AFTPH: variants seen among roughly 807,000 people sequenced by gnomAD.
AFTPH encodes aftiphilin.
A neutral mutation model predicts 72.5 loss-of-function variants in AFTPH; 7 were observed. The ratio of observed to expected loss-of-function variants is 0.10; its 90% confidence interval spans 0.05 to 0.18. The LOEUF (loss-of-function observed/expected upper bound fraction) is 0.18. Ranked by LOEUF, AFTPH falls within the 10% of genes least tolerant of loss-of-function variation. The pLI, the probability that AFTPH is intolerant of heterozygous loss-of-function variation, is 1.00. For synonymous variants in AFTPH, 337 were observed against 370.1 expected (o/e 0.91, Z 1.03); for missense variants, 979 against 1,060.5 (o/e 0.92, Z 1.07).
At chr2:64,555,728 A>C (rs1477904123) in intron 2 of AFTPH, among the ~76,000 whole-genome samples, 2 of 152,178 alleles carry the variant, frequency 1.3e-5, no homozygotes, top group Non-Finnish European at 2.9e-5. Flanking sequence ...GTTTGGGAAG[A>C]AAGTTGAAGT....
chr2:64,550,725 AC>A (rs2103932190), intron 1 of AFTPH, among the ~76,000 whole-genome samples: 2 of 144,726 alleles, frequency 1.4e-5, no homozygotes, highest in African/African-American at 2.6e-5. Context: ...ACACACACAC[AC>A]ACACAACTGG....
rs547244399 is a variant in AFTPH, at chr2:64,539,930, CTGTTT to C, written c.-32-11498_-32-11494del. On this transcript the variant is annotated intron_variant, in intron 1 of 8. Coordinates refer to ENST00000238856, the Ensembl canonical transcript of AFTPH. Reference sequence around the variant, plus strand: ...GCTAGGGCGCACAGAAGAGAGGATTCTGTTTTGTTTTGTTTTGTTCTGATTTGTTT... The same window carrying C: ...GCTAGGGCGCACAGAAGAGAGGATTCTGTTTTGTTTTGTTCTGATTTGTTT... Among the ~76,000 whole-genome samples the C allele has an allele frequency of 3.7e-3, 557 of 152,086 alleles. 2 individuals carry two copies. Among genetic ancestry groups the C allele is most frequent in the African/African-American group, 9.7e-3 (401 of 41,478 alleles).
rs1484556772 is a variant in AFTPH, at chr2:64,524,533, A to G, written c.-112A>G. 7.5e-6 allele frequency: 3 copies of G among 399,194 alleles called. No homozygotes were observed. The East Asian group carries it at 1.1e-4, about 14-fold the overall frequency. The allele number at this position is 399,194 out of a possible 1,614,324, so 24.7% of individuals were successfully genotyped here. Reference sequence around the variant, plus strand: ...CCGCTCTCACCAGTTCCGCGTCGGAATAGACGGTCCTTCCCCGGGGAGTCA... The same window carrying G: ...CCGCTCTCACCAGTTCCGCGTCGGAGTAGACGGTCCTTCCCCGGGGAGTCA... On this transcript the variant is annotated 5_prime_UTR_variant, in exon 1 of 9. Transcript: ENST00000238856.
chr2:64,553,536 C>A, intron 2 of AFTPH, 127 bp downstream of exon 2: 1 of 1,020,748 alleles, frequency 9.8e-7, no homozygotes, highest in Non-Finnish European at 1.3e-6. Flanking sequence ...ATGTATAATG[C>A]CTGTCTGATT....
intron 3 of AFTPH, 42 bp from the exon 4 acceptor site, chr2:64,569,050 T>C (rs777224794): frequency 6.8e-6 from 11 of 1,612,230 alleles, no homozygotes; most frequent in Admixed American, 3.3e-5. Context: ...GTGAAAGTTA[T>C]TGAGTAACCT....
intron 1 of AFTPH, among the ~76,000 whole-genome samples, chr2:64,545,870 C>T (rs1046563885): frequency 2.6e-4 from 39 of 151,714 alleles, no homozygotes; most frequent in Middle Eastern, 3.4e-3. Flanking sequence ...CAAACACAAA[C>T]GCAAGTTTTT....
chr2:64,529,639 T>C (rs1332605082), intron 1 of AFTPH, among the ~76,000 whole-genome samples: 1 of 151,454 alleles, frequency 6.6e-6, no homozygotes, highest in African/African-American at 2.4e-5. Context: ...ATCACTTTTT[T>C]TTTTTTTTGA....
chr2:64,552,616 G>A (rs764159776), exon 2 of AFTPH: 3 of 1,614,168 alleles, frequency 1.9e-6, no homozygotes, highest in Admixed American at 3.3e-5. Context: ...GATGAAGTTG[G>A]TTCTCCCAAA....
At chr2:64,546,339 C>T (rs1430168245) in intron 1 of AFTPH, among the ~76,000 whole-genome samples, 1 of 152,100 alleles carries the variant, frequency 6.6e-6, no homozygotes, top group African/African-American at 2.4e-5. Flanking sequence ...AACTAAGGAA[C>T]AGTCTCTAGC....
At chr2:64,541,475 AATTT>A (rs1670249611) in intron 1 of AFTPH, among the ~76,000 whole-genome samples, 1 of 152,212 alleles carries the variant, frequency 6.6e-6, no homozygotes, top group African/African-American at 2.4e-5. Flanking sequence ...TAGATTTTAA[AATTT>A]AGAGCTGTGA....
intron 1 of AFTPH, among the ~76,000 whole-genome samples, chr2:64,550,974 A>G (rs571597935): frequency 6.6e-6 from 1 of 152,366 alleles, no homozygotes; most frequent in South Asian, 2.1e-4. Context: ...CCAAGTGAAG[A>G]AAATATTTGT....
intron 3 of AFTPH, among the ~76,000 whole-genome samples, chr2:64,568,616 A>G (rs908770109): frequency 6.6e-5 from 10 of 152,180 alleles, no homozygotes; most frequent in Admixed American, 2.0e-4. Flanking sequence ...CTGAAATTTC[A>G]CAGTGAAATA....
chr2:64,549,344 C>T (rs539418814), intron 1 of AFTPH, among the ~76,000 whole-genome samples: 136 of 105,452 alleles, frequency 1.3e-3, no homozygotes, highest in Non-Finnish European at 2.2e-3. Context: ...TTTTTGAAAC[C>T]GAGTCTCACT....
chr2:64,552,543 A>T lies in AFTPH; in HGVS notation c.1069A>T (p.Lys357Ter). 1 of 1,614,084 alleles carries T rather than the reference A, an allele frequency of 6.2e-7. No individual in the cohort carries two copies. Among genetic ancestry groups the T allele is most frequent in the Non-Finnish European group, 8.5e-7 (1 of 1,180,002 alleles). The change falls in exon 2 of 9, where the codon AAA (lysine) becomes TAA (stop). Residue 357 changes from lysine to a stop codon, truncating the protein, a stop_gained. Coordinates refer to ENST00000238856, the Ensembl canonical transcript of AFTPH. LOFTEE classifies it high-confidence loss of function. ...GAGAGAACAATGTAAAACTGAAGAA[A>T]AACTTGACTTACTTACTTCTAAATG... is the stretch of plus-strand genomic sequence containing the variant.
exon 8 of AFTPH, chr2:64,585,536 C>T (rs1490721621): frequency 1.2e-6 from 2 of 1,608,540 alleles, no homozygotes; most frequent in Middle Eastern, 1.6e-4. Context: ...AAGACAAGCA[C>T]ATCTACCAGG....
intron 6 of AFTPH, among the ~76,000 whole-genome samples, chr2:64,578,114 C>CTAAA (rs1356079726): frequency 6.6e-6 from 1 of 152,144 alleles, no homozygotes. Context: ...TTTTTGGAGA[C>CTAAA]TAAATACTTA....
At chr2:64,574,094 T>G (rs1672628557) in intron 6 of AFTPH, among the ~76,000 whole-genome samples, 1 of 152,254 alleles carries the variant, frequency 6.6e-6, no homozygotes, top group Admixed American at 6.5e-5. Context: ...TGCTTACTCT[T>G]TCCATATCAA....
At position 64,537,369 on chromosome 2, in the gene AFTPH, C is replaced by T. The variant is rs74609560; in HGVS notation, c.-33+12757C>T. ...TGAAATAATTTGGACACCAAACCCC[C>T]GTGACACTCAATTTACCTATGTAAC... On this transcript the variant is annotated intron_variant, in intron 1 of 8. Transcript: ENST00000238856. 4.6e-3 allele frequency among the ~76,000 whole-genome samples: 705 copies of T among 152,228 alleles called. 6 individuals carry two copies. The highest frequency in any genetic ancestry group is 0.016 in the African/African-American group (679 of 41,512).
chr2:64,589,192 T>A (rs910035586), intron 8 of AFTPH, among the ~76,000 whole-genome samples: 1 of 152,228 alleles, frequency 6.6e-6, no homozygotes, highest in Non-Finnish European at 1.5e-5. Context: ...TACATTTAGG[T>A]CTTTAATCCA....
Sources: allele counts gnomAD v4.1 joint callset (sites outside exome capture counted in the v4.1 genomes callset), GRCh38; gene constraint gnomAD v4.1.1; transcripts MANE v1.5; gene names NCBI Gene and HGNC (gene_info 2026-07-23, HGNC 2026-07-21).